The following VPS13D variants were observed in gnomAD, a reference collection of about 807,000 sequenced individuals.
The protein encoded by VPS13D is vacuolar protein sorting 13 homolog D.
In VPS13D, 187 loss-of-function variants were observed where a neutral mutation model predicts 461.9. That is an observed-to-expected ratio of 0.40 (90% CI 0.36 to 0.46). The LOEUF (loss-of-function observed/expected upper bound fraction) is 0.46. VPS13D is among the 20% of genes least tolerant of loss of function. The pLI is 0.60. For synonymous variants in VPS13D, 1,951 were observed against 1,986.3 expected, an observed-to-expected ratio of 0.98 and a Z score of 0.47; for missense variants, 4,711 against 5,364.9, an observed-to-expected ratio of 0.88 and a Z score of 3.81.
chr1:12,240,019 T>C (rs1188335182), intron 2 of VPS13D, among the ~76,000 whole-genome samples: 1 of 152,096 alleles, frequency 6.6e-6, no homozygotes, highest in Non-Finnish European at 1.5e-5. Context: ...TGGGTGCATA[T>C]TTGAGTGGGT....
Position 12,311,893 on chromosome 1 carries a change from A to G in VPS13D, c.6903A>G (p.Pro2301=), listed in dbSNP as rs1462059342. ...MVNVSLELKD[P]KRKEGAGSLA... ...ATGTAAGTCTGGAGCTTAAAGATCC[A>G]AAAAGAAAAGAAGGTGCTGGGTCCC... is the stretch of plus-strand genomic sequence containing the variant. The change falls in exon 29 of 70, where the codon CCA becomes CCG. Residue 2301 remains proline (P), a synonymous_variant. Transcript: ENST00000620676. 3 of 1,614,148 alleles carry G rather than the reference A, an allele frequency of 1.9e-6. No individual in the cohort carries two copies. The highest frequency in any genetic ancestry group is 1.3e-5 in the African/African-American group (1 of 75,042).
chr1:12,374,335 T>C (rs2101634858), intron 55 of VPS13D, among the ~76,000 whole-genome samples: 1 of 152,332 alleles, frequency 6.6e-6, no homozygotes, highest in East Asian at 1.9e-4. Context: ...TCCTTTTTAG[T>C]TGGAAACCAA....
At chr1:12,470,796 C>T (rs1645553022) in intron 67 of VPS13D, among the ~76,000 whole-genome samples, 1 of 152,088 alleles carries the variant, frequency 6.6e-6, no homozygotes. Flanking sequence ...TTCTTGAAAA[C>T]AACAAAATTG....
In VPS13D at chr1:12,299,270, G is replaced by C; in HGVS notation, c.6102G>C (p.Leu2034Phe). The C allele has an allele frequency of 6.2e-7, 1 of 1,613,886 alleles. No homozygotes were observed. The change falls in exon 25 of 70, where the codon TTG becomes TTC. Residue 2034 changes from leucine to phenylalanine, a missense_variant. Physicochemically the swap from Leu to Phe is conservative, Grantham distance 22 (BLOSUM62 0). Transcript: ENST00000620676. The surrounding 1 kb of genome is among the most constrained non-coding windows in gnomAD (Gnocchi z 4.2). ...LDIEAGAPVL[L>F]IPESSRSNNL... The stretch of plus-strand genomic sequence containing the variant: ...TTGAGGCTGGTGCTCCCGTTCTCTT[G>C]ATCCCAGAAAGTTCCAGATCAAATA...
At chr1:12,234,572 T>G (rs539332416) in intron 2 of VPS13D, among the ~76,000 whole-genome samples, 23 of 152,304 alleles carry the variant, frequency 1.5e-4, no homozygotes, top group African/African-American at 5.5e-4. Context: ...TATTAAATAT[T>G]AAAAAACAAA....
At chr1:12,317,847 T>C (rs545587449) in intron 30 of VPS13D, among the ~76,000 whole-genome samples, 43 of 152,332 alleles carry the variant, frequency 2.8e-4, no homozygotes, top group African/African-American at 1.0e-3. Flanking sequence ...AAAATGTTCC[T>C]TGTTGTTTAA....
At chr1:12,333,471 G>T (rs1643380155) in intron 38 of VPS13D, 105 bp downstream of exon 38, 1 of 1,397,370 alleles carries the variant, frequency 7.2e-7, no homozygotes, top group Admixed American at 2.1e-5. Flanking sequence ...CCTGTACCAG[G>T]CATCACTTCT....
intron 2 of VPS13D, among the ~76,000 whole-genome samples, chr1:12,236,916 A>G (rs1387547418): frequency 6.6e-6 from 1 of 152,120 alleles, no homozygotes; most frequent in Non-Finnish European, 1.5e-5. Flanking sequence ...TCTGAGGACT[A>G]AGAAATTAAT....
intron 24 of VPS13D, among the ~76,000 whole-genome samples, chr1:12,296,064 G>A (rs1012267452): frequency 3.9e-5 from 6 of 152,024 alleles, no homozygotes; most frequent in African/African-American, 1.4e-4. Context: ...TTCATTCTGT[G>A]TATAAATGAT....
chr1:12,396,243 G>C (rs547017768), intron 60 of VPS13D, among the ~76,000 whole-genome samples: 3 of 151,624 alleles, frequency 2.0e-5, no homozygotes, highest in Non-Finnish European at 4.4e-5. Flanking sequence ...CTGTAGGGCC[G>C]TTGGTTTTCA....
chr1:12,311,749 C>T lies in VPS13D; in HGVS notation c.6823-64C>T, dbSNP rs918158916. The T allele has an allele frequency of 9.5e-6, 15 of 1,581,646 alleles. No individual in the cohort carries two copies. In the East Asian group the frequency reaches 1.3e-4, roughly 14 times the overall value. Reference sequence around the variant, plus strand: ...GCAACAAGCAAATTAGATTTCTTGGCGTATGAGCCTGTTTTTAGGATGGCA... The same window carrying T: ...GCAACAAGCAAATTAGATTTCTTGGTGTATGAGCCTGTTTTTAGGATGGCA... On this transcript the variant is annotated intron_variant, in intron 28 of 69. Transcript: ENST00000620676.
At chr1:12,320,934 T>TGAATATG (rs1262411049) in intron 32 of VPS13D, among the ~76,000 whole-genome samples, 1 of 152,198 alleles carries the variant, frequency 6.6e-6, no homozygotes, top group Non-Finnish European at 1.5e-5. Context: ...GTATGAATTT[T>TGAATATG]GAATATGGCA....
intron 60 of VPS13D, among the ~76,000 whole-genome samples, chr1:12,387,817 A>G (rs114692568): frequency 0.028 from 4,318 of 152,330 alleles, 112 homozygotes; most frequent in African/African-American, 0.061. Flanking sequence ...AAGCAAAGGA[A>G]CAAGAAAAAA....
At chr1:12,367,550 T>C (rs749340963) in intron 52 of VPS13D, 2 of 135,412 alleles carry the variant, frequency 1.5e-5, no homozygotes, top group Non-Finnish European at 3.0e-5. Flanking sequence ...GTGGTTGCGA[T>C]GAAATTTATT....
Position 12,356,444 on chromosome 1 carries a change from A to G in VPS13D, c.9918A>G (p.Ala3306=). Residue 3306 remains alanine, a synonymous_variant, in exon 49 of 70, where the codon GCA becomes GCG. Transcript: ENST00000620676. ...AGGACAATGCCAAGACAGATGCTGC[A>G]GGCCAGTTTGAGGAGCATGAGCTGG... is the stretch of plus-strand genomic sequence containing the variant. ...FRQDNAKTDA[A]GQFEEHELAR... is the part of the protein sequence containing the mutation. 6.2e-7 allele frequency: 1 copy of G among 1,614,136 alleles called. No homozygotes were observed. Among genetic ancestry groups the G allele is most frequent in the African/African-American group, 1.3e-5 (1 of 75,058 alleles).
chr1:12,398,173 T>G (rs1454146009), intron 60 of VPS13D, among the ~76,000 whole-genome samples: 1 of 152,194 alleles, frequency 6.6e-6, no homozygotes. Context: ...TCCAAGTCTC[T>G]TGCCCTTATC....
At chr1:12,235,308 G>A (rs188060345) in intron 2 of VPS13D, among the ~76,000 whole-genome samples, 35 of 152,302 alleles carry the variant, frequency 2.3e-4, no homozygotes, top group Middle Eastern at 3.4e-3. Flanking sequence ...GCCAGGCGCG[G>A]TGGCTCATGC....
At chr1:12,315,839 CGTA>C (rs1273470330) in intron 30 of VPS13D, among the ~76,000 whole-genome samples, 25 of 150,878 alleles carry the variant, frequency 1.7e-4, no homozygotes, top group Non-Finnish European at 3.1e-4. Context: ...TTTTTTGAGA[CGTA>C]GTCTCACTCT....
At chr1:12,267,270 G>T (rs1047328554) in intron 14 of VPS13D, among the ~76,000 whole-genome samples, 2 of 152,138 alleles carry the variant, frequency 1.3e-5, no homozygotes, top group Non-Finnish European at 1.5e-5. Context: ...ACTATTTTCT[G>T]CATTTCAAGG....
Sources: gnomAD v4.1 joint callset for allele counts (sites outside exome capture counted in the v4.1 genomes callset) on GRCh38, gnomAD v4.1.1 for gene constraint, Gnocchi (gnomAD v3.1) non-coding constraint, MANE v1.5 for transcripts, NCBI Gene and HGNC (gene_info 2026-07-23, HGNC 2026-07-21) for gene names.